The following UBE3D variants were observed in gnomAD, a reference collection of about 807,000 sequenced individuals.
The protein encoded by UBE3D is ubiquitin protein ligase E3D, also known as E3 ubiquitin-protein ligase E3D.
Under a neutral mutation model 49.6 loss-of-function variants are expected in UBE3D, and 48 were observed. The ratio of observed to expected loss-of-function variants is 0.97; its 90% CI spans 0.77 to 1.23. The LOEUF (loss-of-function observed/expected upper bound fraction) is 1.23. UBE3D is among the 50% of genes most tolerant of loss of function. UBE3D has a pLI of 0.00. For missense variants in UBE3D, 452 were observed against 468.4 expected (o/e 0.96, Z 0.32); for synonymous variants, 189 against 174.2 (o/e 1.08, Z -0.67).
intron 8 of UBE3D, among the ~76,000 whole-genome samples, chr6:82,960,916 G>T (rs1582474066): frequency 1.3e-5 from 2 of 152,128 alleles, no homozygotes; most frequent in African/African-American, 4.8e-5. Context: ...CCACAATAGG[G>T]TTCACTGAAG....
intron 9 of UBE3D, among the ~76,000 whole-genome samples, chr6:82,922,817 T>C (rs1030615862): frequency 6.6e-5 from 10 of 152,184 alleles, no homozygotes; most frequent in African/African-American, 2.4e-4. Flanking sequence ...AGTCTATCCA[T>C]CTGACAAAGG....
rs1392853265 is a variant in UBE3D, at chr6:83,019,042, G to T, written c.941C>A (p.Ala314Asp). ...AGCACTCCAGGCAGAACTAGAATCG[G>T]CTTTGAATGTGTTTTCCAACAAGGG... ...KFPLLENTFK[A>D]DSSSAWSAVK... Residue 314 changes from alanine (A) to aspartate (D), a missense_variant, in exon 8 of 10, where the codon GCC becomes GAC. By Grantham distance (126) the Ala-to-Asp change is moderately radical (BLOSUM62 -2). Transcript: ENST00000369747. The T allele has an allele frequency of 6.2e-7, 1 of 1,613,852 alleles. No homozygotes were observed. The highest frequency in any genetic ancestry group is 8.5e-7 in the Non-Finnish European group (1 of 1,179,852).
At chr6:82,963,283 C>A (rs185365657) in intron 8 of UBE3D, among the ~76,000 whole-genome samples, 1 of 147,840 alleles carries the variant, frequency 6.8e-6, no homozygotes. Context: ...TACAGTATAT[C>A]CTAAAACAAT....
At chr6:83,045,839 AT>A (rs1228024890) in intron 3 of UBE3D, among the ~76,000 whole-genome samples, 5 of 152,114 alleles carry the variant, frequency 3.3e-5, no homozygotes, top group Non-Finnish European at 4.4e-5. Context: ...CCAAGATCTA[AT>A]TTATGATAAT....
chr6:83,057,705 C>G, intron 2 of UBE3D, 121 bp downstream of exon 2: 1 of 942,996 alleles, frequency 1.1e-6, no homozygotes. Flanking sequence ...GCAGAGCTGA[C>G]AAAGACCCTA....
At chr6:82,971,233 C>T (rs1777330219) in intron 8 of UBE3D, among the ~76,000 whole-genome samples, 1 of 151,976 alleles carries the variant, frequency 6.6e-6, no homozygotes, top group Non-Finnish European at 1.5e-5. Context: ...GAAAAGTTTT[C>T]AGAAATAAGG....
At chr6:83,027,422 G>A (rs1229354611) in intron 5 of UBE3D, among the ~76,000 whole-genome samples, 58 of 22,544 alleles carry the variant, frequency 2.6e-3, no homozygotes, top group Admixed American at 0.014. Context: ...GCGACAGAGC[G>A]AGACTCCGTC....
chr6:82,881,147 C>T, the UBE3D span, among the ~76,000 whole-genome samples: 1 of 152,144 alleles, frequency 6.6e-6, no homozygotes, highest in African/African-American at 2.4e-5. Flanking sequence ...ACCTTGAAAG[C>T]CAGGCTGAGA....
chr6:82,920,752 C>A (rs1773270792), intron 9 of UBE3D, among the ~76,000 whole-genome samples: 1 of 152,074 alleles, frequency 6.6e-6, no homozygotes, highest in African/African-American at 2.4e-5. Context: ...ACTGTGGTCT[C>A]AAAAATTGAG....
At chr6:82,907,140 T>C (rs923939691) in intron 9 of UBE3D, among the ~76,000 whole-genome samples, 1 of 152,114 alleles carries the variant, frequency 6.6e-6, no homozygotes, top group Non-Finnish European at 1.5e-5. Context: ...CCCTTGGGCA[T>C]GGAATTATAA....
At chr6:83,031,418 G>A (rs185356748) in intron 5 of UBE3D, among the ~76,000 whole-genome samples, 2,048 of 152,292 alleles carry the variant, frequency 0.013, 53 homozygotes, top group African/African-American at 0.047. Context: ...CATTTTCTGG[G>A]GGGAAATTCA....
intron 9 of UBE3D, among the ~76,000 whole-genome samples, chr6:82,921,130 A>G (rs777602006): frequency 2.4e-4 from 36 of 151,750 alleles, no homozygotes; most frequent in Non-Finnish European, 4.4e-4. Flanking sequence ...TAATTTTTAT[A>G]TTTTTAGTAG....
intron 5 of UBE3D, among the ~76,000 whole-genome samples, chr6:83,034,803 T>G (rs1424995182): frequency 6.6e-6 from 1 of 152,122 alleles, no homozygotes; most frequent in Non-Finnish European, 1.5e-5. Context: ...CAGTCTCAAG[T>G]AGTTCTTTAC....
rs1266162007 is a variant in UBE3D, at chr6:83,019,061, A to G, written c.922T>C (p.Leu308=). The change falls in exon 8 of 10, where the codon TTG becomes CTG. Residue 308 remains leucine (L), a synonymous_variant. Coordinates refer to ENST00000369747, the MANE Select transcript of UBE3D (RefSeq NM_198920.3). ...NSKYIKKFPL[L]ENTFKADSSS... ...GAATCGGCTTTGAATGTGTTTTCCAACAAGGGGAATTTTTTGATATATTTG... is the reference window on the plus strand; with the variant it reads ...GAATCGGCTTTGAATGTGTTTTCCAGCAAGGGGAATTTTTTGATATATTTG... 1.2e-6 allele frequency: 2 copies of G among 1,613,898 alleles called. No individual in the cohort carries two copies. Among genetic ancestry groups the G allele is most frequent in the Middle Eastern group, 1.6e-4 (1 of 6,082 alleles).
At chr6:82,974,600 T>C (rs930721986) in intron 8 of UBE3D, among the ~76,000 whole-genome samples, 29 of 152,174 alleles carry the variant, frequency 1.9e-4, no homozygotes, top group African/African-American at 6.8e-4. Context: ...GTGGTTGGCT[T>C]AATCCTCTGA....
intron 8 of UBE3D, among the ~76,000 whole-genome samples, chr6:83,015,109 T>C (rs1003072856): frequency 2.0e-5 from 3 of 152,132 alleles, no homozygotes; most frequent in African/African-American, 7.2e-5. Context: ...TCCAATTGCA[T>C]TTAAATTTTG....
chr6:82,899,716 C>T (rs2127715913), intron 9 of UBE3D, among the ~76,000 whole-genome samples: 1 of 152,300 alleles, frequency 6.6e-6, no homozygotes, highest in Non-Finnish European at 1.5e-5. Flanking sequence ...GTAGGTCCTA[C>T]ATGTGAACTT....
intron 8 of UBE3D, among the ~76,000 whole-genome samples, chr6:83,005,322 A>C (rs987412368): frequency 2.6e-5 from 4 of 152,036 alleles, no homozygotes; most frequent in South Asian, 2.1e-4. Flanking sequence ...AAAAAAAAAA[A>C]CAGAATAACA....
chr6:82,894,799 C>A (rs1771190289), intron 9 of UBE3D, among the ~76,000 whole-genome samples: 1 of 152,100 alleles, frequency 6.6e-6, no homozygotes, highest in African/African-American at 2.4e-5. Flanking sequence ...TGGGCAGCAT[C>A]CCTGGCAGGC....
Sources: allele counts gnomAD v4.1 joint callset (sites outside exome capture counted in the v4.1 genomes callset), GRCh38; gene constraint gnomAD v4.1.1; transcripts MANE v1.5; gene names NCBI Gene and HGNC (gene_info 2026-07-23, HGNC 2026-07-21).